Variants in ST3GAL6 observed in about 807,000 individuals in gnomAD.
ST3GAL6 encodes type 2 lactosamine alpha-2,3-sialyltransferase.
In ST3GAL6, 31 loss-of-function variants were observed where a neutral mutation model predicts 40.5. The observed-to-expected ratio is 0.77, with a 90% CI of 0.58 to 1.03. The LOEUF (loss-of-function observed/expected upper bound fraction) is 1.03, where lower values mean the gene tolerates loss of function less well. Among genes scored for constraint, ST3GAL6 ranks in the 50% least tolerant of loss-of-function variants. The pLI is 0.00. For synonymous variants in ST3GAL6, 129 were observed against 136.9 expected (o/e 0.94, Z 0.40); for missense variants, 357 against 393.2 (o/e 0.91, Z 0.78).
chr3:98,785,761 TGTG>T (rs1940642330), intron 6 of ST3GAL6, among the ~76,000 whole-genome samples: 1 of 152,216 alleles, frequency 6.6e-6, no homozygotes, highest in Non-Finnish European at 1.5e-5. Context: ...ATATTCTGGC[TGTG>T]GCATGGACAA....
At chr3:98,741,273 C>T (rs983842151) in intron 1 of ST3GAL6, among the ~76,000 whole-genome samples, 10 of 151,942 alleles carry the variant, frequency 6.6e-5, no homozygotes, top group Middle Eastern at 3.4e-3. Context: ...TATCTCTGAT[C>T]TTGAAACAGC....
At position 98,785,001 on chromosome 3, in the gene ST3GAL6, CATT is replaced by C; in HGVS notation, c.394_396del (p.Leu132del). 1 of 1,511,040 alleles carries C rather than the reference CATT, an allele frequency of 6.6e-7. No homozygotes were observed. The highest frequency in any genetic ancestry group is 9.1e-7 in the Non-Finnish European group (1 of 1,103,428). The allele number at this position is 1,511,040 out of a possible 1,614,324, so 93.6% of individuals were successfully genotyped here. Reference sequence around the variant, plus strand: ...AATGGAGGAGTTTTGAAGAATAAGACATTAGGAGAAAAAATCGACTCCTATGAT... The same window carrying C: ...AATGGAGGAGTTTTGAAGAATAAGACAGGAGAAAAAATCGACTCCTATGAT... On this transcript the variant is annotated inframe_deletion, in exon 6 of 10. Coordinates refer to ENST00000483910, the MANE Select transcript of ST3GAL6 (RefSeq NM_001323368.2).
In ST3GAL6 at chr3:98,764,378, G is replaced by A. The variant is rs995188193; in HGVS notation, c.-12+939G>A. Among the ~76,000 whole-genome samples, 3 of 152,242 alleles carry A rather than the reference G, an allele frequency of 2.0e-5. No individual in the cohort carries two copies. In the South Asian group the frequency reaches 6.2e-4, roughly 32 times the overall value. ...GAGTTTGTTTTTATAAACAATGCTA[G>A]CATGGTTGGGAGGAGCAGAACTGGG... is the stretch of plus-strand genomic sequence containing the variant. On this transcript the variant is annotated intron_variant, in intron 1 of 9. Coordinates refer to ENST00000483910, the MANE Select transcript of ST3GAL6 (RefSeq NM_001323368.2).
At chr3:98,763,560 T>C in intron 1 of ST3GAL6, 121 bp downstream of exon 1, 1 of 921,126 alleles carries the variant, frequency 1.1e-6, no homozygotes, top group Non-Finnish European at 1.5e-6. Flanking sequence ...GATGTGCTTC[T>C]CTTATTTGCA....
At chr3:98,786,382 A>G (rs1940713950) in intron 6 of ST3GAL6, among the ~76,000 whole-genome samples, 4 of 152,206 alleles carry the variant, frequency 2.6e-5, no homozygotes, top group Admixed American at 1.3e-4. Context: ...AAGAGAGCAA[A>G]GTGTTCCAGG....
chr3:98,760,404 G>A (rs72932656), upstream of ST3GAL6, among the ~76,000 whole-genome samples: 129 of 152,298 alleles, frequency 8.5e-4, no homozygotes, highest in African/African-American at 3.1e-3. Flanking sequence ...GTGTAAAATA[G>A]TTTGCTTTAA....
At chr3:98,770,645 C>G (rs1307035239) in intron 2 of ST3GAL6, 3 of 518,916 alleles carry the variant, frequency 5.8e-6, no homozygotes, top group Non-Finnish European at 3.5e-6. Flanking sequence ...GGAATCACTT[C>G]TGGGTTGCTC....
intron 1 of ST3GAL6, chr3:98,732,688 G>T: frequency 1.6e-6 from 1 of 607,332 alleles, no homozygotes; most frequent in South Asian, 2.7e-5. Context: ...CCGCGACTCC[G>T]GAGGCGCTCG....
At position 98,788,126 on chromosome 3, in the gene ST3GAL6, T is replaced by A; in HGVS notation, c.522T>A (p.Asp174Glu). Residue 174 changes from aspartate to glutamate, a missense_variant, in exon 7 of 10, where the codon GAT becomes GAA. Coordinates refer to ENST00000483910, the MANE Select transcript of ST3GAL6 (RefSeq NM_001323368.2). The stretch of plus-strand genomic sequence containing the variant: ...TTTATCCAGAATCTGTTTTTTCAGA[T>A]CCTATTCACAATGACCCTAATACGA... The part of the protein sequence containing the change: ...RLFYPESVFS[D>E]PIHNDPNTTV... The A allele has an allele frequency of 6.2e-7, 1 of 1,614,074 alleles. No homozygotes were observed. The highest frequency in any genetic ancestry group is 8.5e-7 in the Non-Finnish European group (1 of 1,179,984).
chr3:98,736,903 C>T (rs936082723), intron 1 of ST3GAL6, among the ~76,000 whole-genome samples: 3 of 152,078 alleles, frequency 2.0e-5, no homozygotes, highest in East Asian at 1.9e-4. Context: ...GTGCAAAAGA[C>T]GGAGTGGGAG....
chr3:98,743,102 A>G (rs1303556650), intron 1 of ST3GAL6, among the ~76,000 whole-genome samples: 1 of 141,174 alleles, frequency 7.1e-6, no homozygotes, highest in Non-Finnish European at 1.5e-5. Flanking sequence ...TCTGCTTCCC[A>G]GCTCAAGCGA....
At chr3:98,766,708 A>G (rs1938392618) in intron 1 of ST3GAL6, among the ~76,000 whole-genome samples, 1 of 152,194 alleles carries the variant, frequency 6.6e-6, no homozygotes, top group Admixed American at 6.5e-5. Context: ...GGCATGAGCC[A>G]CTGCGCCCAG....
intron 1 of ST3GAL6, among the ~76,000 whole-genome samples, chr3:98,742,109 A>G (rs1936144476): frequency 6.6e-6 from 1 of 152,174 alleles, no homozygotes; most frequent in South Asian, 2.1e-4. Context: ...CAATGTACAA[A>G]TACATTTTCA....
chr3:98,791,717 T>G, intron 8 of ST3GAL6, 124 bp from the exon 9 acceptor site: 2 of 844,206 alleles, frequency 2.4e-6, no homozygotes, highest in Non-Finnish European at 3.8e-6. Context: ...AATGAGAGTT[T>G]AGTTATTTCT....
intron 1 of ST3GAL6, among the ~76,000 whole-genome samples, chr3:98,740,342 A>G (rs932111048): frequency 2.0e-5 from 3 of 151,792 alleles, no homozygotes; most frequent in East Asian, 1.9e-4. Context: ...ATGACCATCA[A>G]TGATTTTCAT....
chr3:98,749,810 C>T (rs1042061624), intron 1 of ST3GAL6, among the ~76,000 whole-genome samples: 2 of 152,194 alleles, frequency 1.3e-5, no homozygotes, highest in Non-Finnish European at 2.9e-5. Flanking sequence ...TATCAGCATA[C>T]TGCTCCAAGA....
chr3:98,735,708 A>G (rs1935486200), intron 1 of ST3GAL6, among the ~76,000 whole-genome samples: 1 of 152,212 alleles, frequency 6.6e-6, no homozygotes, highest in Non-Finnish European at 1.5e-5. Flanking sequence ...AATAGCACAC[A>G]TCACACATCA....
chr3:98,753,647 C>T (rs1013697256), intron 1 of ST3GAL6, among the ~76,000 whole-genome samples: 1 of 152,168 alleles, frequency 6.6e-6, no homozygotes, highest in African/African-American at 2.4e-5. Context: ...TTTACCATTC[C>T]GAAAATCCTA....
chr3:98,738,433 C>A (rs527401000), intron 1 of ST3GAL6, among the ~76,000 whole-genome samples: 37 of 152,092 alleles, frequency 2.4e-4, no homozygotes, highest in African/African-American at 8.9e-4. Context: ...ACCGCCACAC[C>A]CGGCTGATTT....
Sources: gnomAD v4.1 joint callset for allele counts (sites outside exome capture counted in the v4.1 genomes callset) on GRCh38, gnomAD v4.1.1 for gene constraint, MANE v1.5 for transcripts, NCBI Gene and HGNC (gene_info 2026-07-23, HGNC 2026-07-21) for gene names.